GREM2: variants seen among roughly 807,000 people sequenced by gnomAD.
GREM2 encodes the protein gremlin-2.
In GREM2, 11 loss-of-function variants were observed where a neutral mutation model predicts 14.2. The ratio of observed to expected loss-of-function variants is 0.78; its 90% CI spans 0.49 to 1.28. The LOEUF is 1.28. Among genes scored for constraint, GREM2 ranks in the 50% most tolerant of loss-of-function variants. The pLI, the probability that GREM2 is intolerant of heterozygous loss-of-function variation, is 0.00. For missense variants in GREM2, 210 were observed against 218.5 expected (o/e 0.96, Z 0.24); for synonymous variants, 98 against 97.6 (o/e 1.00, Z -0.02).
chr1:240,579,159 C>A (rs1679432972), intron 1 of GREM2, among the ~76,000 whole-genome samples: 1 of 152,220 alleles, frequency 6.6e-6, no homozygotes, highest in African/African-American at 2.4e-5. Context: ...CATACCCGTT[C>A]TCCCTGTCGC....
At chr1:240,531,612 G>A (rs1678361288) in intron 1 of GREM2, 14 of 981,020 alleles carry the variant, frequency 1.4e-5, no homozygotes, top group Non-Finnish European at 1.7e-5. Flanking sequence ...GTTATGTGGC[G>A]AGGCCACTGC....
intron 1 of GREM2, among the ~76,000 whole-genome samples, chr1:240,572,899 G>A (rs935726310): frequency 2.0e-5 from 3 of 151,980 alleles, no homozygotes; most frequent in African/African-American, 7.3e-5. Context: ...ACTCTCAACT[G>A]GCTTTATAGG....
chr1:240,553,410 A>G (rs1320590), intron 1 of GREM2, among the ~76,000 whole-genome samples: 82,809 of 152,032 alleles, frequency 0.54, 24,912 homozygotes, highest in African/African-American at 0.82. Context: ...CAAGTTATAC[A>G]AATTTCTTTT....
chr1:240,566,835 A>G (rs1259854787), intron 1 of GREM2, among the ~76,000 whole-genome samples: 1 of 152,152 alleles, frequency 6.6e-6, no homozygotes, highest in Non-Finnish European at 1.5e-5. Flanking sequence ...ACAAAAACAA[A>G]CAAATAAAAA....
intron 1 of GREM2, among the ~76,000 whole-genome samples, chr1:240,501,089 T>C (rs1677560899): frequency 6.6e-6 from 1 of 152,212 alleles, no homozygotes; most frequent in East Asian, 1.9e-4. Flanking sequence ...AATTTGCATC[T>C]CTCTGATTGT....
At chr1:240,591,311 C>T (rs1679710904) in intron 1 of GREM2, among the ~76,000 whole-genome samples, 1 of 152,148 alleles carries the variant, frequency 6.6e-6, no homozygotes, top group Non-Finnish European at 1.5e-5. Context: ...GACAGAGCGA[C>T]TAACACGTAC....
intron 1 of GREM2, among the ~76,000 whole-genome samples, chr1:240,520,082 A>AAAAATAAAAT (rs200273633): frequency 0.04 from 5,723 of 144,286 alleles, 206 homozygotes; most frequent in African/African-American, 0.094. Context: ...CTCCATCCCA[A>AAAAATAAAAT]AAAATAAAAT....
intron 1 of GREM2, among the ~76,000 whole-genome samples, chr1:240,600,290 T>G (rs916580818): frequency 6.6e-6 from 1 of 152,110 alleles, no homozygotes; most frequent in African/African-American, 2.4e-5. Flanking sequence ...CCAACATGTA[T>G]CATGGAGTGG....
At chr1:240,585,802 A>C (rs1032543813) in intron 1 of GREM2, among the ~76,000 whole-genome samples, 2 of 151,356 alleles carry the variant, frequency 1.3e-5, no homozygotes, top group Non-Finnish European at 1.5e-5. Flanking sequence ...AAAAGGTCAC[A>C]GTGGAGACAT....
At chr1:240,585,656 G>A (rs1679583388) in intron 1 of GREM2, among the ~76,000 whole-genome samples, 1 of 149,770 alleles carries the variant, frequency 6.7e-6, no homozygotes, top group Non-Finnish European at 1.5e-5. Context: ...CTTGAACCTG[G>A]GAGGCGGAGG....
At chr1:240,531,770 G>A (rs866061500) in intron 1 of GREM2, 30 of 746,984 alleles carry the variant, frequency 4.0e-5, no homozygotes, top group African/African-American at 3.8e-4. Flanking sequence ...GAGCAATGGC[G>A]TGATCTCGGC....
intron 1 of GREM2, among the ~76,000 whole-genome samples, chr1:240,595,474 C>T (rs1376299549): frequency 6.6e-6 from 1 of 152,190 alleles, no homozygotes; most frequent in Non-Finnish European, 1.5e-5. Context: ...CTTGGCAACC[C>T]AGAGCTCTTT....
chr1:240,557,560 A>G (rs890342226), intron 1 of GREM2, among the ~76,000 whole-genome samples: 3 of 152,248 alleles, frequency 2.0e-5, no homozygotes, highest in Admixed American at 6.5e-5. Flanking sequence ...TCAAATGGAA[A>G]TTATCTTCCA....
At chr1:240,566,842 A>G (rs2103358634) in intron 1 of GREM2, among the ~76,000 whole-genome samples, 1 of 152,278 alleles carries the variant, frequency 6.6e-6, no homozygotes, top group East Asian at 1.9e-4. Flanking sequence ...CAAACAAATA[A>G]AAACAAAACA....
chr1:240,609,088 T>C (rs1680084841), intron 1 of GREM2, among the ~76,000 whole-genome samples: 1 of 152,198 alleles, frequency 6.6e-6, no homozygotes, highest in Non-Finnish European at 1.5e-5. Context: ...AATCTATATC[T>C]GAAGGTAATT....
At chr1:240,581,723 C>A (rs1472280115) in intron 1 of GREM2, among the ~76,000 whole-genome samples, 1 of 152,062 alleles carries the variant, frequency 6.6e-6, no homozygotes, top group East Asian at 1.9e-4. Context: ...CTTTTCTATG[C>A]CTGTCAATTT....
intron 1 of GREM2, among the ~76,000 whole-genome samples, chr1:240,583,689 C>T (rs1679535014): frequency 6.6e-6 from 1 of 152,030 alleles, no homozygotes; most frequent in African/African-American, 2.4e-5. Context: ...GCAACCTCCA[C>T]CTCCCAGGTT....
At chr1:240,512,625 C>T (rs539297606) in intron 1 of GREM2, among the ~76,000 whole-genome samples, 10 of 134,730 alleles carry the variant, frequency 7.4e-5, no homozygotes, top group South Asian at 2.4e-4. Context: ...ACTTCCCTGA[C>T]GCATTGATTT....
At chr1:240,504,049 A>G (rs191538170) in intron 1 of GREM2, among the ~76,000 whole-genome samples, 2 of 152,366 alleles carry the variant, frequency 1.3e-5, no homozygotes, top group Non-Finnish European at 2.9e-5. Context: ...TAAAAACTAT[A>G]AAGAAGAACT....
Sources: allele counts gnomAD v4.1 joint callset (sites outside exome capture counted in the v4.1 genomes callset), GRCh38; gene constraint gnomAD v4.1.1; transcripts MANE v1.5; gene names NCBI Gene and HGNC (gene_info 2026-07-23, HGNC 2026-07-21).